Variants in CAMTA1 observed in about 807,000 individuals in gnomAD.
The protein encoded by CAMTA1 is calmodulin binding transcription activator 1, also known as calmodulin-binding transcription activator 1.
CAMTA1 carries 27 observed loss-of-function variants against 170.9 expected under a neutral mutation model. The ratio of observed to expected loss-of-function variants is 0.16; its 90% CI spans 0.12 to 0.22. The LOEUF is 0.22. Ranked by LOEUF, CAMTA1 falls within the 10% of genes least tolerant of loss-of-function variation. The pLI is 1.00. For synonymous variants in CAMTA1, 833 were observed against 891.5 expected, an observed-to-expected ratio of 0.93 and a Z score of 1.17; for missense variants, 1,619 against 2,217.2, an observed-to-expected ratio of 0.73 and a Z score of 5.42.
chr1:6,914,513 C>T (rs916407096), intron 3 of CAMTA1, among the ~76,000 whole-genome samples: 1 of 152,246 alleles, frequency 6.6e-6, no homozygotes, highest in African/African-American at 2.4e-5. Flanking sequence ...GATTCTCTCA[C>T]AGGCACATGC....
chr1:7,500,430 G>T (rs1012426213), intron 6 of CAMTA1, among the ~76,000 whole-genome samples: 1 of 147,830 alleles, frequency 6.8e-6, no homozygotes, highest in Non-Finnish European at 1.5e-5. Context: ...TGAGCCTGTT[G>T]TGTGTGTGTG....
chr1:7,046,518 C>T (rs765912832), intron 3 of CAMTA1, among the ~76,000 whole-genome samples: 5 of 152,178 alleles, frequency 3.3e-5, no homozygotes, highest in Non-Finnish European at 7.3e-5. Context: ...CTGGGGCTGC[C>T]GTCTGTGTTC....
chr1:7,597,100 C>T (rs1208621843), intron 6 of CAMTA1, among the ~76,000 whole-genome samples: 1 of 152,172 alleles, frequency 6.6e-6, no homozygotes, highest in East Asian at 1.9e-4. Flanking sequence ...TCCCCAGGCA[C>T]CCAGCAAACA....
At chr1:7,060,847 A>C (rs1199592922) in intron 3 of CAMTA1, among the ~76,000 whole-genome samples, 2 of 152,234 alleles carry the variant, frequency 1.3e-5, no homozygotes, top group Non-Finnish European at 2.9e-5. Flanking sequence ...AAGCGTTGCC[A>C]GGAAAGCGGA....
chr1:7,258,474 C>T (rs11120887), intron 5 of CAMTA1, among the ~76,000 whole-genome samples: 90,597 of 151,932 alleles, frequency 0.6, 27,650 homozygotes, highest in African/African-American at 0.65. Flanking sequence ...CCCTTGAATA[C>T]CACTGTCGAA....
chr1:7,149,364 G>A (rs564350726), intron 4 of CAMTA1, among the ~76,000 whole-genome samples: 19 of 152,302 alleles, frequency 1.2e-4, no homozygotes, highest in African/African-American at 4.6e-4. Context: ...GGGCTTCGGC[G>A]AGACTCTCAC....
At chr1:7,750,587 C>T (rs1258510549) in intron 19 of CAMTA1, among the ~76,000 whole-genome samples, 2 of 152,264 alleles carry the variant, frequency 1.3e-5, no homozygotes, top group African/African-American at 2.4e-5. Context: ...CCTCCTGGGT[C>T]GTCCGCAGCT....
chr1:7,160,763 A>G (rs1229249343), intron 4 of CAMTA1, among the ~76,000 whole-genome samples: 2 of 152,124 alleles, frequency 1.3e-5, no homozygotes, highest in Non-Finnish European at 2.9e-5. Flanking sequence ...CAGTAACCCC[A>G]TTTGACTACT....
intron 6 of CAMTA1, among the ~76,000 whole-genome samples, chr1:7,557,665 C>T (rs1026827246): frequency 1.3e-5 from 2 of 152,190 alleles, no homozygotes; most frequent in Non-Finnish European, 2.9e-5. Context: ...CCCTTTTGCC[C>T]GTCAGTCAAT....
At chr1:7,429,689 TGTTA>T (rs1489768392) in intron 5 of CAMTA1, among the ~76,000 whole-genome samples, 1 of 143,662 alleles carries the variant, frequency 7.0e-6, no homozygotes, top group Non-Finnish European at 1.5e-5. Context: ...GATGATGGTA[TGTTA>T]GTTCTCACAT....
intron 5 of CAMTA1, among the ~76,000 whole-genome samples, chr1:7,342,166 C>T (rs554755170): frequency 9.2e-5 from 14 of 152,296 alleles, no homozygotes; most frequent in South Asian, 8.3e-4. Context: ...TATCTGGGAG[C>T]GGTCCCAGGT....
intron 4 of CAMTA1, among the ~76,000 whole-genome samples, chr1:7,193,421 AT>A (rs1277535510): frequency 1.3e-5 from 2 of 151,846 alleles, no homozygotes; most frequent in African/African-American, 4.8e-5. Flanking sequence ...TGAAAGCCAA[AT>A]GCCTTCTGAT....
At chr1:6,881,458 TAGAC>T (rs1377399609) in intron 3 of CAMTA1, among the ~76,000 whole-genome samples, 3 of 151,904 alleles carry the variant, frequency 2.0e-5, no homozygotes, top group Admixed American at 2.0e-4. Context: ...GGCGCTGAGA[TAGAC>T]AGAGATAGAT....
At chr1:7,036,801 T>C (rs901383964) in intron 3 of CAMTA1, among the ~76,000 whole-genome samples, 22 of 152,248 alleles carry the variant, frequency 1.4e-4, no homozygotes, top group African/African-American at 5.1e-4. Flanking sequence ...GCAACAATAA[T>C]GCAGCCATAT....
chr1:7,288,808 G>A (rs1177866767), intron 5 of CAMTA1, among the ~76,000 whole-genome samples: 2 of 152,190 alleles, frequency 1.3e-5, no homozygotes, highest in African/African-American at 2.4e-5. Context: ...GGCGGCTCTC[G>A]TGAAGCATTT....
chr1:6,883,113 C>T (rs951602366), intron 3 of CAMTA1, among the ~76,000 whole-genome samples: 8 of 151,940 alleles, frequency 5.3e-5, no homozygotes, highest in Admixed American at 3.3e-4. Context: ...AGGCTGGTCT[C>T]GATCCCCTGA....
At chr1:7,523,474 T>G (rs1257525284) in intron 6 of CAMTA1, among the ~76,000 whole-genome samples, 1 of 152,220 alleles carries the variant, frequency 6.6e-6, no homozygotes, top group East Asian at 1.9e-4. Flanking sequence ...TTCCAATCCA[T>G]GAAAAAGGTA....
intron 3 of CAMTA1, among the ~76,000 whole-genome samples, chr1:6,919,669 T>C (rs1289289286): frequency 2.0e-5 from 3 of 152,258 alleles, no homozygotes; most frequent in Admixed American, 2.0e-4. Context: ...GGGCAATTTA[T>C]GAAAGAAAGA....
chr1:7,584,028 G>T (rs779425302), intron 6 of CAMTA1, among the ~76,000 whole-genome samples: 15 of 152,176 alleles, frequency 9.9e-5, no homozygotes, highest in Non-Finnish European at 2.1e-4. Flanking sequence ...CAGAGAGGGG[G>T]TGTCACGGAC....
Sources: allele counts gnomAD v4.1 joint callset (sites outside exome capture counted in the v4.1 genomes callset), GRCh38; gene constraint gnomAD v4.1.1; transcripts MANE v1.5; gene names NCBI Gene and HGNC (gene_info 2026-07-23, HGNC 2026-07-21).